PCDH9: variants seen among roughly 807,000 people sequenced by gnomAD.
The protein encoded by PCDH9 is protocadherin-9.
PCDH9 carries 24 observed loss-of-function variants against 70.6 expected under a neutral mutation model. The ratio of observed to expected loss-of-function variants is 0.34; its 90% CI spans 0.25 to 0.48. The LOEUF (loss-of-function observed/expected upper bound fraction) is 0.48, where lower values mean the gene tolerates loss of function less well. PCDH9 is among the 20% of genes least tolerant of loss of function. PCDH9 has a pLI of 0.99. For synonymous variants in PCDH9, 562 were observed against 558.5 expected (o/e 1.01, Z -0.09); for missense variants, 1,281 against 1,503.6 (o/e 0.85, Z 2.45).
intron 2 of PCDH9, among the ~76,000 whole-genome samples, chr13:67,127,162 A>G (rs1259923264): frequency 6.6e-6 from 1 of 152,174 alleles, no homozygotes; most frequent in African/African-American, 2.4e-5. Context: ...ATTGGTCCAG[A>G]AATGAAGAGA....
intron 2 of PCDH9, among the ~76,000 whole-genome samples, chr13:67,090,959 A>T (rs2086206183): frequency 6.6e-6 from 1 of 152,074 alleles, no homozygotes; most frequent in Non-Finnish European, 1.5e-5. Context: ...AACTGAAATT[A>T]TTTTTGTTTA....
rs543801533 is a variant in PCDH9, at chr13:66,561,307, C to T, written c.3340+69903G>A. Reference sequence around the variant, plus strand: ...CCGCCATGCCTGGGCTTCCCCCCACCCACTCTGTGGGCTCCTGTGCCGCCC... The same window carrying T: ...CCGCCATGCCTGGGCTTCCCCCCACTCACTCTGTGGGCTCCTGTGCCGCCC... On this transcript the variant is annotated intron_variant, in intron 4 of 4. Coordinates refer to ENST00000377865, the MANE Select transcript of PCDH9 (RefSeq NM_203487.3). 3.9e-4 allele frequency among the ~76,000 whole-genome samples: 59 copies of T among 152,324 alleles called. 1 individual carries two copies. Among genetic ancestry groups the T allele is most frequent in the Non-Finnish European group, 7.4e-5 (5 of 68,020 alleles).
intron 2 of PCDH9, among the ~76,000 whole-genome samples, chr13:67,028,793 T>C (rs1443900154): frequency 6.6e-6 from 1 of 152,110 alleles, no homozygotes; most frequent in Non-Finnish European, 1.5e-5. Context: ...ACTGACACTT[T>C]AGAATAAATG....
intron 3 of PCDH9, among the ~76,000 whole-genome samples, chr13:66,673,497 A>C (rs2078204793): frequency 1.3e-5 from 2 of 152,152 alleles, no homozygotes; most frequent in African/African-American, 2.4e-5. Context: ...AGAGATATGC[A>C]CAGAAGGAAG....
At chr13:66,998,543 C>T (rs1358093264) in intron 2 of PCDH9, among the ~76,000 whole-genome samples, 1 of 152,156 alleles carries the variant, frequency 6.6e-6, no homozygotes, top group East Asian at 1.9e-4. Context: ...CTTACTTCTT[C>T]AAACTTCCTC....
At chr13:67,047,566 T>C (rs545100922) in intron 2 of PCDH9, among the ~76,000 whole-genome samples, 160 of 152,328 alleles carry the variant, frequency 1.1e-3, no homozygotes, top group Middle Eastern at 3.4e-3. Flanking sequence ...CTCTGCTGCC[T>C]ATGAATTTGG....
chr13:66,653,770 A>G (rs2077886014), intron 3 of PCDH9, among the ~76,000 whole-genome samples: 1 of 152,038 alleles, frequency 6.6e-6, no homozygotes, highest in African/African-American at 2.4e-5. Flanking sequence ...GACCCAGACC[A>G]TCCTGGCTAA....
At chr13:67,128,190 C>A (rs2087025667) in intron 2 of PCDH9, among the ~76,000 whole-genome samples, 1 of 152,136 alleles carries the variant, frequency 6.6e-6, no homozygotes, top group South Asian at 2.1e-4. Context: ...ACTGCAATAA[C>A]AGATCATCAT....
intron 4 of PCDH9, among the ~76,000 whole-genome samples, chr13:66,452,826 T>C (rs1423272265): frequency 6.6e-6 from 1 of 152,148 alleles, no homozygotes; most frequent in Non-Finnish European, 1.5e-5. Context: ...AAACATATAC[T>C]GTTTTAATCA....
chr13:66,584,223 C>A (rs998412339), intron 4 of PCDH9, among the ~76,000 whole-genome samples: 3 of 152,112 alleles, frequency 2.0e-5, no homozygotes, highest in Non-Finnish European at 4.4e-5. Flanking sequence ...AAAAGGGATA[C>A]CCTCACTTTA....
chr13:67,046,740 TAAC>T (rs1451521958), intron 2 of PCDH9, among the ~76,000 whole-genome samples: 12 of 151,992 alleles, frequency 7.9e-5, no homozygotes, highest in African/African-American at 4.8e-5. Context: ...TAATATATTT[TAAC>T]AACAATAGAA....
intron 4 of PCDH9, among the ~76,000 whole-genome samples, chr13:66,423,004 T>C (rs1957596606): frequency 6.6e-6 from 1 of 151,850 alleles, no homozygotes. Flanking sequence ...CAATACAAAC[T>C]ACCATCAAAA....
intron 2 of PCDH9, among the ~76,000 whole-genome samples, chr13:66,921,684 T>C (rs1278018914): frequency 6.6e-6 from 1 of 151,388 alleles, no homozygotes; most frequent in Non-Finnish European, 1.5e-5. Flanking sequence ...ACAGGATTTA[T>C]GTCTCAGAAT....
In PCDH9 at chr13:67,228,446, T is replaced by A. The variant is rs762005337; in HGVS notation, c.-6A>T. 6.5e-7 allele frequency: 1 copy of A among 1,541,920 alleles called. No individual in the cohort carries two copies. The highest frequency in any genetic ancestry group is 1.3e-5 in the South Asian group (1 of 78,658). On this transcript the variant is annotated 5_prime_UTR_variant, in exon 2 of 5. Coordinates refer to ENST00000377865, the MANE Select transcript of PCDH9 (RefSeq NM_203487.3). ...TAAAAATCCCTCAGGTCCATGATAATGTATTTATTTTCTTTTCCTGGATTT... is the reference window on the plus strand; with the variant it reads ...TAAAAATCCCTCAGGTCCATGATAAAGTATTTATTTTCTTTTCCTGGATTT...
chr13:66,849,517 T>TATAGAGAGAGAGAGAGAG (rs1272589939), intron 3 of PCDH9, among the ~76,000 whole-genome samples: 13 of 63,582 alleles, frequency 2.0e-4, no homozygotes, highest in African/African-American at 1.0e-3. Context: ...TATATATATA[T>TATAGAGAGAGAGAGAGAG]AGAGAGAGAG....
At chr13:67,093,230 G>T (rs1490748590) in intron 2 of PCDH9, among the ~76,000 whole-genome samples, 1 of 152,102 alleles carries the variant, frequency 6.6e-6, no homozygotes, top group African/African-American at 2.4e-5. Context: ...CAAGGTCAGC[G>T]AATCACCTGA....
chr13:66,379,141 G>A (rs1326853842), intron 4 of PCDH9, among the ~76,000 whole-genome samples: 1 of 152,188 alleles, frequency 6.6e-6, no homozygotes, highest in Non-Finnish European at 1.5e-5. Flanking sequence ...TATGCTAATG[G>A]AAAAGATGCA....
intron 2 of PCDH9, among the ~76,000 whole-genome samples, chr13:67,035,644 T>C (rs1374524804): frequency 2.0e-5 from 3 of 150,816 alleles, no homozygotes; most frequent in Non-Finnish European, 4.4e-5. Context: ...AAAAAATGAA[T>C]AGTAATAATA....
At chr13:66,487,036 C>G (rs1958955360) in intron 4 of PCDH9, among the ~76,000 whole-genome samples, 2 of 152,048 alleles carry the variant, frequency 1.3e-5, no homozygotes, top group South Asian at 4.1e-4. Context: ...TTACGTTTAA[C>G]TTGTCTGTAT....
Sources: gnomAD v4.1 joint callset for allele counts (sites outside exome capture counted in the v4.1 genomes callset) on GRCh38, gnomAD v4.1.1 for gene constraint, MANE v1.5 for transcripts, NCBI Gene and HGNC (gene_info 2026-07-23, HGNC 2026-07-21) for gene names.